Variants in ESRP2 observed in about 807,000 individuals in gnomAD.
ESRP2 encodes epithelial splicing regulatory protein 2.
A neutral mutation model predicts 78.6 loss-of-function variants in ESRP2; 48 were observed. That is an observed-to-expected ratio of 0.61 (90% CI 0.48 to 0.78). The LOEUF is 0.78. Among genes scored for constraint, ESRP2 ranks in the 30% least tolerant of loss-of-function variants. The probability of loss-of-function intolerance (pLI) is 0.00; values close to 1 mark genes in which losing one functional copy is unlikely to be tolerated. For synonymous variants in ESRP2, 383 were observed against 406.7 expected (o/e 0.94, Z 0.70); for missense variants, 863 against 965.9 (o/e 0.89, Z 1.41).
In ESRP2 at chr16:68,235,133, C is replaced by G. The variant is rs1596930191; in HGVS notation, c.327+501G>C. On this transcript the variant is annotated intron_variant, in intron 2 of 14. Transcript: ENST00000473183. This position sits in a 1 kb window ranked among gnomAD's most constrained non-coding sequence, Gnocchi z 5.5. The stretch of plus-strand genomic sequence containing the variant: ...CGGGACAGCGCCCACGCCTGGCCAG[C>G]CGGCCGGGACAGGCCTAGACGAGCA... 1.0e-5 allele frequency: 10 copies of G among 991,356 alleles called. No homozygotes were observed. In the South Asian group the frequency reaches 3.6e-4, roughly 36 times the overall value. The allele number at this position is 991,356 out of a possible 1,614,324, so 61.4% of individuals were successfully genotyped here. A position where few individuals can be genotyped will look rare whatever the true frequency, so the allele number is the denominator to read the frequency against.
chr16:68,234,084 A>AT lies in ESRP2; in HGVS notation c.350dup (p.Asp117GlufsTer15). 1 of 1,612,996 alleles carries AT rather than the reference A, an allele frequency of 6.2e-7. No individual in the cohort carries two copies. Among genetic ancestry groups the AT allele is most frequent in the Non-Finnish European group, 8.5e-7 (1 of 1,179,560 alleles). ...AGGGGCCCCCGCCCAGCAAAGCCACATCCCCGTTCACCAGCTGTGAGAACT... is the reference window on the plus strand; with the variant it reads ...AGGGGCCCCCGCCCAGCAAAGCCACATTCCCCGTTCACCAGCTGTGAGAACT... On this transcript the variant is annotated frameshift_variant, in exon 3 of 15. Coordinates refer to ENST00000473183, the MANE Select transcript of ESRP2 (RefSeq NM_024939.3). LOFTEE classifies it high-confidence loss of function.
chr16:68,232,141 C>T lies in ESRP2; in HGVS notation c.998-38G>A, dbSNP rs779123200. 9 of 1,611,306 alleles carry T rather than the reference C, an allele frequency of 5.6e-6. No individual in the cohort carries two copies. The highest frequency in any genetic ancestry group is 6.8e-6 in the Non-Finnish European group (8 of 1,178,324). On this transcript the variant is annotated intron_variant, in intron 9 of 14. Transcript: ENST00000473183. The surrounding 1 kb of genome is among the most constrained non-coding windows in gnomAD (Gnocchi z 5.2). ...GTCGCCTGCTGACTTCACTCATGCT[C>T]CTCCAGACACTCACCCATGCAGGGG...
chr16:68,233,135 G>T, intron 5 of ESRP2, 192 bp downstream of exon 5: 1 of 607,436 alleles, frequency 1.6e-6, no homozygotes, highest in Admixed American at 2.9e-5. Context: ...GAAAGTGGAG[G>T]TTGCAGTGAG....
In ESRP2 at chr16:68,234,029, A is replaced by G. The variant is rs1201921373; in HGVS notation, c.406T>C (p.Leu136=). 8 of 1,613,966 alleles carry G rather than the reference A, an allele frequency of 5.0e-6. No individual in the cohort carries two copies. In the Admixed American group the frequency reaches 8.3e-5, roughly 17 times the overall value. ...GCCTCGGGGTGCAGGACCTGTCGCA[A>G]TAGCTGCTGCCCATCAGTGCAGAGC... ...YMLCTDGQQL[L]RQVLHPEASR... The change falls in exon 3 of 15, where the codon TTG becomes CTG. Residue 136 remains leucine, a synonymous_variant. Transcript: ENST00000473183.
In ESRP2 at chr16:68,232,895, T is replaced by TGA. The variant is rs1039863056; in HGVS notation, c.656-82_656-81dup. ...CCAAGTTCTGCAAAAAGTGGACAAT[T>TGA]GAGAGAGATGAAGAAATGACAGGCC... On this transcript the variant is annotated intron_variant, in intron 5 of 14. Coordinates refer to ENST00000473183, the MANE Select transcript of ESRP2 (RefSeq NM_024939.3). This position sits in a 1 kb window ranked among gnomAD's most constrained non-coding sequence, Gnocchi z 5.2. 1.9e-5 allele frequency: 30 copies of TGA among 1,589,998 alleles called. No homozygotes were observed. Among genetic ancestry groups the TGA allele is most frequent in the Non-Finnish European group, 2.5e-5 (29 of 1,161,288 alleles).
chr16:68,230,400 G>A lies in ESRP2; in HGVS notation c.2053C>T (p.Gln685Ter). ...AGMKDLLSVF[Q>*]AYQLPADDYT... Reference sequence around the variant, plus strand: ...CCACACAATCTCACCTGGTAGGCCTGGAAGACGCTGAGCAGATCCTTCATA... The same window carrying A: ...CCACACAATCTCACCTGGTAGGCCTAGAAGACGCTGAGCAGATCCTTCATA... The change falls in exon 14 of 15, where the codon CAG becomes TAG. Residue 685 changes from glutamine to a stop codon, truncating the protein, a stop_gained. Coordinates refer to ENST00000473183, the MANE Select transcript of ESRP2 (RefSeq NM_024939.3). LOFTEE classifies it high-confidence loss of function. The A allele has an allele frequency of 6.2e-7, 1 of 1,613,826 alleles. No individual in the cohort carries two copies. The highest frequency in any genetic ancestry group is 1.1e-5 in the South Asian group (1 of 91,062).
chr16:68,235,612 C>T lies in ESRP2; in HGVS notation c.327+22G>A. 13 of 1,596,290 alleles carry T rather than the reference C, an allele frequency of 8.1e-6. No homozygotes were observed. Among genetic ancestry groups the T allele is most frequent in the Non-Finnish European group, 1.1e-5 (13 of 1,178,992 alleles). On this transcript the variant is annotated intron_variant, in intron 2 of 14. Coordinates refer to ENST00000473183, the MANE Select transcript of ESRP2 (RefSeq NM_024939.3). The surrounding 1 kb of genome is among the most constrained non-coding windows in gnomAD (Gnocchi z 5.5). ...AAATGTCCTCACGTCCAGGCCATGC[C>T]GCCACCCACCCCGGCGCTCACCTGC...
chr16:68,232,126 G>A lies in ESRP2; in HGVS notation c.998-23C>T. 7 of 1,609,982 alleles carry A rather than the reference G, an allele frequency of 4.3e-6. No homozygotes were observed. Among genetic ancestry groups the A allele is most frequent in the Non-Finnish European group, 5.9e-6 (7 of 1,177,164 alleles). ...TGCCTGTGTATGAGAGTCGCCTGCT[G>A]ACTTCACTCATGCTCCTCCAGACAC... On this transcript the variant is annotated intron_variant, in intron 9 of 14. Coordinates refer to ENST00000473183, the MANE Select transcript of ESRP2 (RefSeq NM_024939.3). This position sits in a 1 kb window ranked among gnomAD's most constrained non-coding sequence, Gnocchi z 5.2.
chr16:68,231,274 C>T lies in ESRP2; in HGVS notation c.1615G>A (p.Glu539Lys). ...HKKVMKERYV[E>K]VVPCSTEEMS... ...TCCTCTGTGGAACAGGGGACCACCTCCACGTAGCGCTCCTTCATCACCTTC... is the reference window on the plus strand; with the variant it reads ...TCCTCTGTGGAACAGGGGACCACCTTCACGTAGCGCTCCTTCATCACCTTC... The change falls in exon 12 of 15, where the codon GAG (glutamate) becomes AAG (lysine). Residue 539 changes from glutamate to lysine, a missense_variant. Physicochemically the swap from Glu to Lys is moderately conservative, Grantham distance 56. Transcript: ENST00000473183. This position sits in a 1 kb window ranked among gnomAD's most constrained non-coding sequence, Gnocchi z 6.0. The T allele has an allele frequency of 6.2e-7, 1 of 1,614,106 alleles. No homozygotes were observed. Among genetic ancestry groups the T allele is most frequent in the South Asian group, 1.1e-5 (1 of 91,084 alleles).
In ESRP2 at chr16:68,234,025, C is replaced by A; in HGVS notation, c.410G>T (p.Arg137Leu). 1 of 1,614,048 alleles carries A rather than the reference C, an allele frequency of 6.2e-7. No homozygotes were observed. Among genetic ancestry groups the A allele is most frequent in the South Asian group, 1.1e-5 (1 of 91,062 alleles). Residue 137 changes from arginine to leucine, a missense_variant, in exon 3 of 15, where the codon CGA (arginine) becomes CTA (leucine). Arg to Leu is a moderately radical substitution (Grantham distance 102). Coordinates refer to ENST00000473183, the MANE Select transcript of ESRP2 (RefSeq NM_024939.3). ...GGAGGCCTCGGGGTGCAGGACCTGTCGCAATAGCTGCTGCCCATCAGTGCA... is the reference window on the plus strand; with the variant it reads ...GGAGGCCTCGGGGTGCAGGACCTGTAGCAATAGCTGCTGCCCATCAGTGCA... Reference protein sequence around the residue: ...MLCTDGQQLLRQVLHPEASRK... With the variant: ...MLCTDGQQLLLQVLHPEASRK...
intron 2 of ESRP2, 132 bp from the exon 3 acceptor site, chr16:68,234,239 A>G: frequency 1.5e-6 from 1 of 677,318 alleles, no homozygotes; most frequent in Non-Finnish European, 2.5e-6. Context: ...GCCTGGGAAT[A>G]AGAGGCCACG....
chr16:68,230,790 C>T (rs763196838), intron 13 of ESRP2, 51 bp downstream of exon 13: 1 of 1,607,288 alleles, frequency 6.2e-7, no homozygotes, highest in South Asian at 1.1e-5. Flanking sequence ...TGACCTTTCC[C>T]CAGATTGGGA....
Position 68,231,135 on chromosome 16 carries a change from G to A in ESRP2, c.1711+43C>T. The A allele has an allele frequency of 6.2e-7, 1 of 1,610,106 alleles. No homozygotes were observed. Among genetic ancestry groups the A allele is most frequent in the Non-Finnish European group, 8.5e-7 (1 of 1,177,624 alleles). On this transcript the variant is annotated intron_variant, in intron 12 of 14. Coordinates refer to ENST00000473183, the MANE Select transcript of ESRP2 (RefSeq NM_024939.3). The surrounding 1 kb of genome is among the most constrained non-coding windows in gnomAD (Gnocchi z 6.0). ...GAAGGTAGGGGCTTACAACAGCCTG[G>A]CTACCACAGGCCTCCTCCTCCCCTA...
chr16:68,230,876 A>G lies in ESRP2; in HGVS notation c.1863T>C (p.Thr621=), dbSNP rs756606781. ...AGGCTGTGTAGTTCAGGTAGAGTTGAGTGGCTGGCCCTGGATAGTAGGCAA... is the reference window on the plus strand; with the variant it reads ...AGGCTGTGTAGTTCAGGTAGAGTTGGGTGGCTGGCCCTGGATAGTAGGCAA... ...TPVAYYPGPA[T]QLYLNYTAYY... Residue 621 remains threonine, a synonymous_variant, in exon 13 of 15, where the codon ACT becomes ACC. Coordinates refer to ENST00000473183, the MANE Select transcript of ESRP2 (RefSeq NM_024939.3). The G allele has an allele frequency of 1.9e-6, 3 of 1,613,804 alleles. No homozygotes were observed. The East Asian group carries it at 6.7e-5, about 36-fold the overall frequency.
chr16:68,231,592 G>C lies in ESRP2; in HGVS notation c.1402C>G (p.Arg468Gly), dbSNP rs778537506. Residue 468 changes from arginine (R) to glycine (G), a missense_variant, in exon 11 of 15, where the codon CGC becomes GGC. Arg to Gly is a moderately radical substitution (Grantham distance 125). Coordinates refer to ENST00000473183, the MANE Select transcript of ESRP2 (RefSeq NM_024939.3). This position sits in a 1 kb window ranked among gnomAD's most constrained non-coding sequence, Gnocchi z 6.0. ...GCCGTGTAGGGCAGGCCTCGGAGGC[G>C]TACACAGTCCCTCCCAGTCCCAGGT... Reference protein sequence around the residue: ...LAPGTGRDCVRLRGLPYTATI... With the variant: ...LAPGTGRDCVGLRGLPYTATI... 6.2e-7 allele frequency: 1 copy of C among 1,613,918 alleles called. No individual in the cohort carries two copies. Among genetic ancestry groups the C allele is most frequent in the Non-Finnish European group, 8.5e-7 (1 of 1,179,996 alleles).
chr16:68,229,306 CCCT>C lies in ESRP2; in HGVS notation c.*917_*919del, dbSNP rs2042093968. 6.6e-6 allele frequency: 1 copy of C among 152,412 alleles called. No homozygotes were observed. The highest frequency in any genetic ancestry group is 1.5e-5 in the Non-Finnish European group (1 of 68,038). 9.4% of individuals were successfully genotyped at this position (152,412 alleles called of 1,614,324 possible). A position where few individuals can be genotyped will look rare whatever the true frequency, so the allele number is the denominator to read the frequency against. On this transcript the variant is annotated 3_prime_UTR_variant, in exon 15 of 15. Transcript: ENST00000473183. ...CCTCCGCCTGGGGTTGGTGTGGAGC[CCCT>C]CACTTTGGGGCAAAGTTAAGGGTCC... is the stretch of plus-strand genomic sequence containing the variant.
rs755729355 is a variant in ESRP2, at chr16:68,232,649, C to T, written c.749G>A (p.Arg250Gln). 6.8e-6 allele frequency: 11 copies of T among 1,614,080 alleles called. No homozygotes were observed. Among genetic ancestry groups the T allele is most frequent in the East Asian group, 4.5e-5 (2 of 44,896 alleles). ...TGACTGCCACGGCAACCCACGAGCC[C>T]GTACCACAGTCTCACTGTCCACCAC... Reference protein sequence around the residue: ...ADVVDSETVVRARGLPWQSSD... With the variant: ...ADVVDSETVVQARGLPWQSSD... The change falls in exon 7 of 15, where the codon CGG (arginine) becomes CAG (glutamine). Residue 250 changes from arginine (R) to glutamine (Q), a missense_variant. Arg to Gln is a conservative substitution (Grantham distance 43). Transcript: ENST00000473183. This position sits in a 1 kb window ranked among gnomAD's most constrained non-coding sequence, Gnocchi z 5.2.
chr16:68,231,608 A>G lies in ESRP2; in HGVS notation c.1386T>C (p.Thr462=). ...CTCGGAGGCGTACACAGTCCCTCCC[A>G]GTCCCAGGTGCCAGTGGGAAGGGGA... ...LPIPFPLAPG[T]GRDCVRLRGL... is the part of the protein sequence containing the mutation. Residue 462 remains threonine, a synonymous_variant, in exon 11 of 15, where the codon ACT becomes ACC. Coordinates refer to ENST00000473183, the MANE Select transcript of ESRP2 (RefSeq NM_024939.3). The surrounding 1 kb of genome is among the most constrained non-coding windows in gnomAD (Gnocchi z 6.0). The G allele has an allele frequency of 6.2e-7, 1 of 1,613,994 alleles. No individual in the cohort carries two copies. The highest frequency in any genetic ancestry group is 8.5e-7 in the Non-Finnish European group (1 of 1,179,968).
At chr16:68,234,940 G>T in intron 2 of ESRP2, 1 of 170,726 alleles carries the variant, frequency 5.9e-6, no homozygotes, top group Non-Finnish European at 1.2e-5. Context: ...GAACGTGAGT[G>T]TATAAAAAGG....
Sources: gnomAD v4.1 joint callset for allele counts on GRCh38, gnomAD v4.1.1 for gene constraint, Gnocchi (gnomAD v3.1) non-coding constraint, MANE v1.5 for transcripts, NCBI Gene and HGNC (gene_info 2026-07-23, HGNC 2026-07-21) for gene names.